The following SMCO4 variants were observed in gnomAD, a reference collection of about 807,000 sequenced individuals.
SMCO4 encodes single-pass membrane and coiled-coil domain-containing protein 4.
In SMCO4, 4 loss-of-function variants were observed where a neutral mutation model predicts 3.6. The ratio of observed to expected loss-of-function variants is 1.11; its 90% CI spans 0.54 to 2.53. The LOEUF is 2.53. SMCO4 is among the 30% of genes most tolerant of loss of function. The pLI is 0.02. For missense variants in SMCO4, 70 were observed against 80.8 expected (o/e 0.87, Z 0.51); for synonymous variants, 36 against 35.3 (o/e 1.02, Z -0.07).
intron 1 of SMCO4, among the ~76,000 whole-genome samples, chr11:93,527,412 G>A (rs1949119279): frequency 6.6e-6 from 1 of 152,098 alleles, no homozygotes; most frequent in Non-Finnish European, 1.5e-5. Context: ...AAATCTCTCA[G>A]GGGATGTGGT....
At chr11:93,531,716 A>C (rs2134631910) in intron 1 of SMCO4, among the ~76,000 whole-genome samples, 1 of 152,358 alleles carries the variant, frequency 6.6e-6, no homozygotes, top group Non-Finnish European at 1.5e-5. Flanking sequence ...CAGTTTTAAA[A>C]AAAGGCAGTT....
chr11:93,546,426 T>C (rs935076745), upstream of SMCO4, among the ~76,000 whole-genome samples: 1 of 152,258 alleles, frequency 6.6e-6, no homozygotes, highest in African/African-American at 2.4e-5. Flanking sequence ...GCAGGTATCA[T>C]AGAGGTTAGG....
intron 1 of SMCO4, among the ~76,000 whole-genome samples, chr11:93,540,316 A>G (rs1405179643): frequency 6.6e-6 from 1 of 152,212 alleles, no homozygotes; most frequent in Admixed American, 6.5e-5. Flanking sequence ...TTTCTTGAAT[A>G]TAAGACAGAC....
intron 1 of SMCO4, among the ~76,000 whole-genome samples, chr11:93,524,166 T>C (rs1477727413): frequency 1.3e-5 from 2 of 152,164 alleles, no homozygotes; most frequent in African/African-American, 4.8e-5. Context: ...CACTATCTCA[T>C]ATATATCTTA....
At chr11:93,522,542 G>C (rs1334149889) in intron 1 of SMCO4, among the ~76,000 whole-genome samples, 1 of 152,208 alleles carries the variant, frequency 6.6e-6, no homozygotes, top group African/African-American at 2.4e-5. Flanking sequence ...CTTTTATGCA[G>C]GCATCCGTTG....
intron 1 of SMCO4, among the ~76,000 whole-genome samples, chr11:93,502,351 C>A (rs1347665104): frequency 6.6e-6 from 1 of 152,112 alleles, no homozygotes; most frequent in Non-Finnish European, 1.5e-5. Context: ...AAACACCCAG[C>A]AAGTTTCCAG....
At chr11:93,534,783 G>A (rs1353746642) in intron 1 of SMCO4, among the ~76,000 whole-genome samples, 2 of 152,162 alleles carry the variant, frequency 1.3e-5, no homozygotes, top group African/African-American at 4.8e-5. Flanking sequence ...AGCCCAGCCT[G>A]CAGGGAGGGC....
intron 1 of SMCO4, among the ~76,000 whole-genome samples, chr11:93,532,234 A>G (rs1227478187): frequency 6.6e-6 from 1 of 152,222 alleles, no homozygotes; most frequent in East Asian, 1.9e-4. Flanking sequence ...AAGAAAACAG[A>G]GACACACACC....
At chr11:93,497,826 G>C (rs986865815) in intron 2 of SMCO4, among the ~76,000 whole-genome samples, 1 of 152,232 alleles carries the variant, frequency 6.6e-6, no homozygotes, top group Non-Finnish European at 1.5e-5. Flanking sequence ...CCTTGCAAAA[G>C]AGAAAGCACT....
chr11:93,498,941 G>A (rs1350624413), intron 2 of SMCO4, among the ~76,000 whole-genome samples: 2 of 152,192 alleles, frequency 1.3e-5, no homozygotes, highest in African/African-American at 2.4e-5. Flanking sequence ...GTGGAAGTAA[G>A]TACTATGATG....
chr11:93,506,719 G>T (rs1248248147), intron 1 of SMCO4, among the ~76,000 whole-genome samples: 1 of 152,164 alleles, frequency 6.6e-6, no homozygotes, highest in Non-Finnish European at 1.5e-5. Flanking sequence ...GGGATTACAG[G>T]CATGAGCCAC....
chr11:93,479,753 A>G (rs1948570482), intron 2 of SMCO4, among the ~76,000 whole-genome samples: 1 of 152,156 alleles, frequency 6.6e-6, no homozygotes, highest in Non-Finnish European at 1.5e-5. Context: ...GGCTGCAGAG[A>G]GCCCACAGGC....
At chr11:93,496,902 G>C (rs1017270405) in intron 2 of SMCO4, among the ~76,000 whole-genome samples, 2 of 152,108 alleles carry the variant, frequency 1.3e-5, no homozygotes, top group Non-Finnish European at 1.5e-5. Context: ...TCTGGTCCTG[G>C]GCCCCAACGC....
intron 1 of SMCO4, among the ~76,000 whole-genome samples, chr11:93,518,626 A>G (rs1949030476): frequency 6.6e-6 from 1 of 152,254 alleles, no homozygotes. Flanking sequence ...GGAGATAACC[A>G]GTCTCATCTC....
chr11:93,517,581 C>A (rs1949019137), intron 1 of SMCO4, among the ~76,000 whole-genome samples: 1 of 152,158 alleles, frequency 6.6e-6, no homozygotes, highest in African/African-American at 2.4e-5. Context: ...TTGCTTCTCT[C>A]CTTGAGTCCA....
At chr11:93,529,017 C>T (rs531893321) in intron 1 of SMCO4, among the ~76,000 whole-genome samples, 3 of 152,276 alleles carry the variant, frequency 2.0e-5, no homozygotes, top group East Asian at 1.9e-4. Context: ...GAGGGGAACA[C>T]GTGGAGCCCT....
At chr11:93,540,845 T>C (rs1949265518) in intron 1 of SMCO4, among the ~76,000 whole-genome samples, 1 of 152,206 alleles carries the variant, frequency 6.6e-6, no homozygotes, top group African/African-American at 2.4e-5. Flanking sequence ...AAGCCTTTAC[T>C]TGTTGGAGAA....
intron 2 of SMCO4, among the ~76,000 whole-genome samples, chr11:93,486,811 G>A (rs1287095442): frequency 6.6e-6 from 1 of 152,084 alleles, no homozygotes; most frequent in Non-Finnish European, 1.5e-5. Flanking sequence ...CAGTAACCAG[G>A]CCCAGACATC....
At chr11:93,552,081 A>T in the SMCO4 span, among the ~76,000 whole-genome samples, 2 of 151,624 alleles carry the variant, frequency 1.3e-5, no homozygotes, top group East Asian at 3.9e-4. Context: ...CCATATTCTG[A>T]CTTTGGAAAC....
Sources: allele counts gnomAD v4.1 joint callset (sites outside exome capture counted in the v4.1 genomes callset), GRCh38; gene constraint gnomAD v4.1.1; transcripts MANE v1.5; gene names NCBI Gene and HGNC (gene_info 2026-07-23, HGNC 2026-07-21).